The following GPATCH2 variants were observed in gnomAD, a reference collection of about 807,000 sequenced individuals.
GPATCH2 encodes the protein G-patch domain containing 2.
GPATCH2 carries 51 observed loss-of-function variants against 58.0 expected under a neutral mutation model. The observed-to-expected ratio is 0.88, with a 90% CI of 0.70 to 1.11. The LOEUF (loss-of-function observed/expected upper bound fraction) is 1.11. GPATCH2 is among the 50% of genes most tolerant of loss of function. GPATCH2 has a pLI of 0.00. For missense variants in GPATCH2, 625 were observed against 652.2 expected, an observed-to-expected ratio of 0.96 and a Z score of 0.45; for synonymous variants, 222 against 218.5, an observed-to-expected ratio of 1.02 and a Z score of -0.14.
chr1:217,600,460 T>C (rs1409285537), intron 5 of GPATCH2, among the ~76,000 whole-genome samples: 2 of 152,172 alleles, frequency 1.3e-5, no homozygotes, highest in Admixed American at 6.5e-5. Context: ...TAGAAAGTAC[T>C]TGTTAAATAT....
intron 5 of GPATCH2, among the ~76,000 whole-genome samples, chr1:217,524,732 G>A (rs1463432087): frequency 6.7e-6 from 1 of 150,252 alleles, no homozygotes. Flanking sequence ...GTGGCAGCGC[G>A]CACCTGCAAT....
At chr1:217,471,151 A>C (rs1370008153) in intron 8 of GPATCH2, among the ~76,000 whole-genome samples, 2 of 152,046 alleles carry the variant, frequency 1.3e-5, no homozygotes, top group Non-Finnish European at 2.9e-5. Context: ...ATTTGCTTTG[A>C]AATATGACAA....
rs552438567 is a variant in GPATCH2, at chr1:217,451,554, A to T, written c.1278-2217T>A. Among the ~76,000 whole-genome samples, 6 of 152,322 alleles carry T rather than the reference A, an allele frequency of 3.9e-5. No homozygotes were observed. In the South Asian group the frequency reaches 1.2e-3, roughly 32 times the overall value. ...GTTCCCTCATTAGCTAATGAGTTAAATAAAATCTTTAACACATACCCACTT... is the reference window on the plus strand; with the variant it reads ...GTTCCCTCATTAGCTAATGAGTTAATTAAAATCTTTAACACATACCCACTT... On this transcript the variant is annotated intron_variant, in intron 8 of 9. Transcript: ENST00000366935.
intron 6 of GPATCH2, among the ~76,000 whole-genome samples, chr1:217,504,954 A>C (rs1662477923): frequency 6.6e-6 from 1 of 152,240 alleles, no homozygotes; most frequent in African/African-American, 2.4e-5. Context: ...AAGGCAGAGG[A>C]AGAAAAAAAT....
rs541969617 is a variant in GPATCH2 at position 217,579,739 on chromosome 1, A to G, written c.1098+30582T>C. Among the ~76,000 whole-genome samples, 21 of 152,332 alleles carry G rather than the reference A, an allele frequency of 1.4e-4. No individual in the cohort carries two copies. The South Asian group carries it at 4.3e-3, about 32-fold the overall frequency. On this transcript the variant is annotated intron_variant, in intron 5 of 9. Coordinates refer to ENST00000366935, the MANE Select transcript of GPATCH2 (RefSeq NM_018040.5). ...ATACTAGACAAATGGATTTTCATTG[A>G]GAATCCATCAAAGCCTGCAACCAGG...
At chr1:217,529,741 C>T (rs11117879) in intron 5 of GPATCH2, among the ~76,000 whole-genome samples, 25,863 of 152,076 alleles carry the variant, frequency 0.17, 2,985 homozygotes, top group East Asian at 0.48. Context: ...TCCCCACACC[C>T]GGCACTAACA....
At chr1:217,533,093 G>C (rs1664284141) in intron 5 of GPATCH2, among the ~76,000 whole-genome samples, 1 of 151,114 alleles carries the variant, frequency 6.6e-6, no homozygotes, top group African/African-American at 2.4e-5. Flanking sequence ...TAGAGATGGG[G>C]AGATGGGGTT....
At chr1:217,546,948 C>A (rs1379872490) in intron 5 of GPATCH2, among the ~76,000 whole-genome samples, 1 of 152,094 alleles carries the variant, frequency 6.6e-6, no homozygotes, top group Non-Finnish European at 1.5e-5. Context: ...TGAACAGACA[C>A]TTTTCAAAAG....
intron 5 of GPATCH2, among the ~76,000 whole-genome samples, chr1:217,580,628 C>T (rs564397418): frequency 6.6e-6 from 1 of 152,126 alleles, no homozygotes; most frequent in South Asian, 2.1e-4. Context: ...TTTTATCATC[C>T]TCCTCCTTTA....
intron 5 of GPATCH2, among the ~76,000 whole-genome samples, chr1:217,569,900 G>A (rs996840643): frequency 2.6e-5 from 4 of 152,030 alleles, no homozygotes; most frequent in Admixed American, 6.6e-5. Flanking sequence ...TCTGATTTAC[G>A]TTTGGCAATG....
At chr1:217,457,920 AC>A (rs1261750054) in intron 8 of GPATCH2, among the ~76,000 whole-genome samples, 2 of 152,148 alleles carry the variant, frequency 1.3e-5, no homozygotes, top group Non-Finnish European at 2.9e-5. Context: ...ACCATTTGGT[AC>A]TTTCTCTTCA....
Position 217,556,404 on chromosome 1 carries a change from T to A in GPATCH2, c.1099-41515A>T, listed in dbSNP as rs763097706. The stretch of plus-strand genomic sequence containing the variant: ...TTAGTTGTTACCACTGGTGTATGTA[T>A]CCCTAAATAACATTGTTCCATTTTG... On this transcript the variant is annotated intron_variant, in intron 5 of 9. Coordinates refer to ENST00000366935, the MANE Select transcript of GPATCH2 (RefSeq NM_018040.5). Among the ~76,000 whole-genome samples the A allele has an allele frequency of 8.5e-5, 13 of 152,330 alleles. 1 individual carries two copies. The South Asian group carries it at 1.0e-3, about 12-fold the overall frequency.
intron 5 of GPATCH2, among the ~76,000 whole-genome samples, chr1:217,606,929 C>A (rs950271585): frequency 6.6e-6 from 1 of 152,056 alleles, no homozygotes; most frequent in African/African-American, 2.4e-5. Flanking sequence ...ATTTAAAAAC[C>A]TGACGACACT....
chr1:217,590,167 C>T (rs773341827), intron 5 of GPATCH2, among the ~76,000 whole-genome samples: 11 of 151,926 alleles, frequency 7.2e-5, no homozygotes, highest in African/African-American at 1.7e-4. Flanking sequence ...ATTACAGGCA[C>T]GCACTACCAC....
chr1:217,603,940 A>G (rs1668234924), intron 5 of GPATCH2, among the ~76,000 whole-genome samples: 2 of 152,152 alleles, frequency 1.3e-5, no homozygotes, highest in Non-Finnish European at 2.9e-5. Context: ...GAGAATTTTG[A>G]ATCAAAGAGA....
chr1:217,476,521 T>C (rs990218371), intron 8 of GPATCH2, among the ~76,000 whole-genome samples: 2 of 152,138 alleles, frequency 1.3e-5, no homozygotes, highest in Non-Finnish European at 2.9e-5. Flanking sequence ...GCCCCTACCC[T>C]GTCCCCCAGC....
Position 217,477,991 on chromosome 1 carries a change from G to A in GPATCH2, c.1277+13689C>T, listed in dbSNP as rs140123611. 6.5e-3 allele frequency among the ~76,000 whole-genome samples: 994 copies of A among 152,310 alleles called. 6 individuals carry two copies. Among genetic ancestry groups the A allele is most frequent in the Non-Finnish European group, 1.0e-2 (679 of 68,028 alleles). Reference sequence around the variant, plus strand: ...GTATGACTGGGAGAAAGTAAGGGAAGAGAATTAGAATCTCTGCCTGGTAAT... The same window carrying A: ...GTATGACTGGGAGAAAGTAAGGGAAAAGAATTAGAATCTCTGCCTGGTAAT... On this transcript the variant is annotated intron_variant, in intron 8 of 9. Transcript: ENST00000366935.
chr1:217,525,121 A>T (rs1018568560), intron 5 of GPATCH2, among the ~76,000 whole-genome samples: 5 of 151,774 alleles, frequency 3.3e-5, no homozygotes, highest in Admixed American at 2.0e-4. Flanking sequence ...ATATCTAATG[A>T]TGTCAAAAGG....
chr1:217,458,450 T>C (rs982998767), intron 8 of GPATCH2, among the ~76,000 whole-genome samples: 1 of 152,196 alleles, frequency 6.6e-6, no homozygotes, highest in African/African-American at 2.4e-5. Context: ...TTCAGGTAAT[T>C]ATTACAACTT....
Sources: allele counts gnomAD v4.1 joint callset (sites outside exome capture counted in the v4.1 genomes callset), GRCh38; gene constraint gnomAD v4.1.1; transcripts MANE v1.5; gene names NCBI Gene and HGNC (gene_info 2026-07-23, HGNC 2026-07-21).